Variants in TCF12 observed in about 807,000 individuals in gnomAD.
TCF12 encodes DNA-binding protein HTF4.
Under a neutral mutation model 86.0 loss-of-function variants are expected in TCF12, and 45 were observed. The ratio of observed to expected loss-of-function variants is 0.52; its 90% confidence interval spans 0.41 to 0.67. The LOEUF is 0.67. TCF12 is among the 30% of genes least tolerant of loss of function. TCF12 has a pLI of 0.00. For missense variants in TCF12, 881 were observed against 859.9 expected (o/e 1.02, Z -0.31); for synonymous variants, 330 against 299.6 (o/e 1.10, Z -1.05).
chr15:56,963,168 T>C (rs2061848126), intron 3 of TCF12, among the ~76,000 whole-genome samples: 1 of 152,072 alleles, frequency 6.6e-6, no homozygotes, highest in Admixed American at 6.5e-5. Flanking sequence ...TGTTTTTTTA[T>C]TGTCGTGGTA....
intron 3 of TCF12, among the ~76,000 whole-genome samples, chr15:56,978,904 A>G (rs1353148174): frequency 6.6e-6 from 1 of 152,138 alleles, no homozygotes; most frequent in African/African-American, 2.4e-5. Context: ...GTCTTGTCAA[A>G]TGTGGCTGTG....
intron 3 of TCF12, among the ~76,000 whole-genome samples, chr15:57,001,063 C>CTG (rs1321969577): frequency 7.1e-6 from 1 of 141,028 alleles, no homozygotes; most frequent in Admixed American, 7.5e-5. Flanking sequence ...ATCACCCAGG[C>CTG]TGGAGTGCAG....
intron 5 of TCF12, among the ~76,000 whole-genome samples, chr15:57,120,164 G>A (rs138168240): frequency 1.1e-3 from 164 of 152,214 alleles, no homozygotes; most frequent in East Asian, 1.9e-3. Flanking sequence ...TTGACTACTC[G>A]GATGTACATT....
chr15:57,076,828 T>C (rs1445913216), intron 4 of TCF12, among the ~76,000 whole-genome samples: 1 of 152,192 alleles, frequency 6.6e-6, no homozygotes, highest in Non-Finnish European at 1.5e-5. Flanking sequence ...AGTTTGTTTC[T>C]GTATAAGATG....
chr15:57,055,788 ACT>A (rs1237318201), intron 3 of TCF12, among the ~76,000 whole-genome samples: 1 of 151,278 alleles, frequency 6.6e-6, no homozygotes, highest in African/African-American at 2.4e-5. Flanking sequence ...TCTTATTTAT[ACT>A]CTCTGGGTTT....
At chr15:57,258,618 A>G (rs1220117223) in intron 16 of TCF12, among the ~76,000 whole-genome samples, 1 of 152,176 alleles carries the variant, frequency 6.6e-6, no homozygotes, top group Non-Finnish European at 1.5e-5. Context: ...ATAAAATTTA[A>G]TACAGGTATT....
chr15:57,143,437 T>A (rs1179145971), intron 5 of TCF12, among the ~76,000 whole-genome samples: 2 of 152,168 alleles, frequency 1.3e-5, no homozygotes, highest in Non-Finnish European at 2.9e-5. Flanking sequence ...CTAACAACTT[T>A]TATGTAAGCT....
intron 18 of TCF12, among the ~76,000 whole-genome samples, chr15:57,270,729 A>T (rs2152089056): frequency 6.6e-6 from 1 of 152,130 alleles, no homozygotes; most frequent in South Asian, 2.1e-4. Context: ...GATGTTGGTG[A>T]CCTACGAATG....
intron 16 of TCF12, among the ~76,000 whole-genome samples, chr15:57,255,919 G>T (rs970524048): frequency 6.6e-6 from 1 of 152,234 alleles, no homozygotes; most frequent in Admixed American, 6.5e-5. Context: ...TGTTCAGTGT[G>T]TCTGTCACAG....
intron 3 of TCF12, among the ~76,000 whole-genome samples, chr15:57,056,116 G>GTGTGTGTGT (rs1555492327): frequency 1.4e-5 from 2 of 143,238 alleles, no homozygotes; most frequent in African/African-American, 2.7e-5. Context: ...TAGTTTTAGG[G>GTGTGTGTGT]GTGTGTGTGT....
intron 3 of TCF12, among the ~76,000 whole-genome samples, chr15:56,984,676 G>C (rs1368446000): frequency 6.6e-6 from 1 of 152,154 alleles, no homozygotes; most frequent in Non-Finnish European, 1.5e-5. Context: ...ATTTTACCTT[G>C]CCTGTTAAAA....
At chr15:57,157,047 A>G (rs1280569364) in intron 5 of TCF12, among the ~76,000 whole-genome samples, 3 of 152,202 alleles carry the variant, frequency 2.0e-5, no homozygotes, top group Non-Finnish European at 2.9e-5. Flanking sequence ...TGTTCCCTCT[A>G]TCTTCCCCCA....
chr15:57,113,397 G>A (rs910882997), intron 5 of TCF12, among the ~76,000 whole-genome samples: 1 of 151,996 alleles, frequency 6.6e-6, no homozygotes, highest in East Asian at 1.9e-4. Flanking sequence ...CTCTTTTTCT[G>A]CTGAATTATA....
intron 18 of TCF12, among the ~76,000 whole-genome samples, chr15:57,265,078 TATAGTATAGTATAG>T: frequency 5.8e-5 from 1 of 17,176 alleles, no homozygotes; most frequent in Admixed American, 1.3e-3. Context: ...AATAGTATAG[TATAGTATAGTATAG>T]TATAGTATAG....
chr15:57,212,880 T>C (rs1034020771), intron 8 of TCF12, among the ~76,000 whole-genome samples: 1 of 152,194 alleles, frequency 6.6e-6, no homozygotes, highest in Non-Finnish European at 1.5e-5. Context: ...AGTTTAGTGC[T>C]CTTTCGCGTT....
rs550493641 is a variant in TCF12 at position 57,223,643 on chromosome 15, G to GTTTTTTTTTTTTTTTTTTTTT, written c.580-7501_580-7481dup. Among the ~76,000 whole-genome samples the GTTTTTTTTTTTTTTTTTTTTT allele has an allele frequency of 3.3e-4, 23 of 69,688 alleles. 3 individuals are homozygous for GTTTTTTTTTTTTTTTTTTTTT. The highest frequency in any genetic ancestry group is 1.4e-3 in the South Asian group (2 of 1,476). 45.7% of individuals were successfully genotyped at this position (69,688 alleles called of 152,430 possible). A position where few individuals can be genotyped will look rare whatever the true frequency, so the allele number is the denominator to read the frequency against. ...GTTTTGGCACCTGCCTACCAATGAG[G>GTTTTTTTTTTTTTTTTTTTTT]TTTTTTTTTTTTTTTTTTTTTTTTT... On this transcript the variant is annotated intron_variant, in intron 8 of 20. Coordinates refer to ENST00000333725, the MANE Select transcript of TCF12 (RefSeq NM_207037.2).
intron 16 of TCF12, among the ~76,000 whole-genome samples, chr15:57,256,544 C>T (rs1359189688): frequency 2.2e-5 from 2 of 89,640 alleles, no homozygotes; most frequent in African/African-American, 7.2e-5. Flanking sequence ...GGAATCGATT[C>T]CCCACCCCCA....
At chr15:57,199,836 G>A (rs929788527) in intron 8 of TCF12, among the ~76,000 whole-genome samples, 1 of 152,106 alleles carries the variant, frequency 6.6e-6, no homozygotes, top group East Asian at 1.9e-4. Context: ...TTAACTGAAA[G>A]TATGTTTTAG....
intron 19 of TCF12, among the ~76,000 whole-genome samples, chr15:57,277,675 G>C (rs2152117273): frequency 6.6e-6 from 1 of 151,152 alleles, no homozygotes; most frequent in East Asian, 2.0e-4. Context: ...AGTGGCTTAT[G>C]CCTGTAATCC....
Sources: allele counts gnomAD v4.1 joint callset (sites outside exome capture counted in the v4.1 genomes callset), GRCh38; gene constraint gnomAD v4.1.1; transcripts MANE v1.5; gene names NCBI Gene and HGNC (gene_info 2026-07-23, HGNC 2026-07-21).